The following WWOX variants were observed in gnomAD, a reference collection of about 807,000 sequenced individuals.
WWOX encodes WW domain-containing oxidoreductase.
WWOX carries 69 observed loss-of-function variants against 46.2 expected under a neutral mutation model. The ratio of observed to expected loss-of-function variants is 1.49; its 90% confidence interval spans 1.23 to 1.82. WWOX has a LOEUF of 1.82. WWOX is among the 40% of genes most tolerant of loss of function. WWOX has a pLI of 0.00. For missense variants in WWOX, 919 were observed against 542.6 expected (o/e 1.69, Z -6.89); for synonymous variants, 359 against 202.6 (o/e 1.77, Z -6.56).
At chr16:78,134,556 A>G (rs2033723251) in intron 4 of WWOX, among the ~76,000 whole-genome samples, 1 of 152,018 alleles carries the variant, frequency 6.6e-6, no homozygotes, top group Non-Finnish European at 1.5e-5. Context: ...TTAGTTTCAT[A>G]TTTTACTTTA....
intron 5 of WWOX, among the ~76,000 whole-genome samples, chr16:78,188,626 A>G (rs896248280): frequency 1.2e-4 from 19 of 152,138 alleles, no homozygotes; most frequent in Non-Finnish European, 1.9e-4. Context: ...TTTCGAGACG[A>G]TAATATTAGG....
intron 8 of WWOX, among the ~76,000 whole-genome samples, chr16:79,022,820 G>A (rs2047561308): frequency 6.6e-6 from 1 of 152,204 alleles, no homozygotes; most frequent in Non-Finnish European, 1.5e-5. Context: ...AAAGGCAACC[G>A]AAAGGGCTCA....
chr16:79,175,952 C>G lies in WWOX; in HGVS notation c.1057-35656C>G, dbSNP rs138459735. Among the ~76,000 whole-genome samples the G allele has an allele frequency of 3.0e-4, 46 of 152,308 alleles. No homozygotes were observed. In the East Asian group the frequency reaches 6.6e-3, roughly 22 times the overall value. On this transcript the variant is annotated intron_variant, in intron 8 of 8. Transcript: ENST00000566780. Reference sequence around the variant, plus strand: ...CCTGAGTTCCATTCCTGCCTCCACCCTTGCCTGTCAAATTCCTTAGCTTCA... The same window carrying G: ...CCTGAGTTCCATTCCTGCCTCCACCGTTGCCTGTCAAATTCCTTAGCTTCA...
chr16:78,767,278 C>G (rs898644759), intron 8 of WWOX, among the ~76,000 whole-genome samples: 2 of 151,900 alleles, frequency 1.3e-5, no homozygotes, highest in East Asian at 1.9e-4. Context: ...CCATGCCTGG[C>G]TTTTTAAATT....
intron 5 of WWOX, among the ~76,000 whole-genome samples, chr16:78,374,129 G>C (rs751468008): frequency 2.0e-5 from 3 of 152,174 alleles, no homozygotes; most frequent in Non-Finnish European, 4.4e-5. Flanking sequence ...TTTTATCTGA[G>C]TTACTCCATA....
chr16:78,343,520 C>G lies in WWOX; in HGVS notation c.517-43340C>G, dbSNP rs1206315979. 5.0e-5 allele frequency among the ~76,000 whole-genome samples: 6 copies of G among 121,082 alleles called. 2 individuals carry two copies. In the South Asian group the frequency reaches 1.5e-3, roughly 30 times the overall value. The allele number at this position is 121,082 out of a possible 152,430, so 79.4% of individuals were successfully genotyped here. Reference sequence around the variant, plus strand: ...TGTAAGGTGATGCTCTGAGCTGGGTCTTAAAGCTTCTGGGCACAGCCCCCC... The same window carrying G: ...TGTAAGGTGATGCTCTGAGCTGGGTGTTAAAGCTTCTGGGCACAGCCCCCC... On this transcript the variant is annotated intron_variant, in intron 5 of 8. Transcript: ENST00000566780.
At chr16:78,851,614 C>G (rs545281992) in intron 8 of WWOX, among the ~76,000 whole-genome samples, 1 of 152,304 alleles carries the variant, frequency 6.6e-6, no homozygotes, top group South Asian at 2.1e-4. Context: ...ACCACTTTGT[C>G]CAACCTAGGA....
chr16:78,557,320 C>A (rs761598292), intron 8 of WWOX, among the ~76,000 whole-genome samples: 1 of 152,122 alleles, frequency 6.6e-6, no homozygotes, highest in African/African-American at 2.4e-5. Context: ...TGGGAAAAAC[C>A]AATACCAACT....
At chr16:78,968,102 AGCGCGTGGTCCGCGTG>A (rs1256116055) in intron 8 of WWOX, among the ~76,000 whole-genome samples, 63 of 131,424 alleles carry the variant, frequency 4.8e-4, no homozygotes, top group African/African-American at 1.8e-3. Flanking sequence ...CGCATGGCAC[AGCGCGTGGTCCGCGTG>A]GCACAGCGCG....
At chr16:79,022,614 G>C (rs2047556631) in intron 8 of WWOX, among the ~76,000 whole-genome samples, 2 of 152,300 alleles carry the variant, frequency 1.3e-5, no homozygotes, top group South Asian at 4.1e-4. Flanking sequence ...GTCAGTCCCA[G>C]TTTTAATTAC....
At chr16:79,180,365 C>G (rs1376908247) in intron 8 of WWOX, among the ~76,000 whole-genome samples, 1 of 152,198 alleles carries the variant, frequency 6.6e-6, no homozygotes, top group East Asian at 1.9e-4. Flanking sequence ...GATTTGAATA[C>G]TATAAATCTA....
chr16:78,477,936 G>A (rs995546256), intron 8 of WWOX, among the ~76,000 whole-genome samples: 3 of 152,162 alleles, frequency 2.0e-5, no homozygotes, highest in African/African-American at 4.8e-5. Flanking sequence ...GTGCTAAAAT[G>A]TGTGTATTAG....
chr16:78,924,831 A>T (rs983951910), intron 8 of WWOX, among the ~76,000 whole-genome samples: 1 of 152,176 alleles, frequency 6.6e-6, no homozygotes, highest in Non-Finnish European at 1.5e-5. Context: ...GTGTCAACAT[A>T]TGTGTGAAAA....
At chr16:79,178,121 G>C (rs1353480318) in intron 8 of WWOX, among the ~76,000 whole-genome samples, 2 of 152,112 alleles carry the variant, frequency 1.3e-5, no homozygotes, top group Non-Finnish European at 2.9e-5. Context: ...TATCACATTG[G>C]AGATTCCTTT....
At chr16:78,625,364 A>T (rs1467803647) in intron 8 of WWOX, among the ~76,000 whole-genome samples, 1 of 152,138 alleles carries the variant, frequency 6.6e-6, no homozygotes, top group Non-Finnish European at 1.5e-5. Context: ...GGGTAACTGG[A>T]TCCCTGAAAT....
chr16:78,888,472 C>G (rs2044515751), intron 8 of WWOX, among the ~76,000 whole-genome samples: 2 of 152,188 alleles, frequency 1.3e-5, no homozygotes, highest in Admixed American at 1.3e-4. Flanking sequence ...CCACTAGGTG[C>G]TATTAGCTGG....
intron 8 of WWOX, among the ~76,000 whole-genome samples, chr16:78,816,660 A>C (rs2051338762): frequency 6.6e-6 from 1 of 151,912 alleles, no homozygotes; most frequent in African/African-American, 2.4e-5. Context: ...AGCACAACCA[A>C]ATTGTAGTAC....
At chr16:78,355,777 G>A in intron 5 of WWOX, 2 of 707,010 alleles carry the variant, frequency 2.8e-6, no homozygotes, top group South Asian at 1.3e-5. Flanking sequence ...ATATTCCAGT[G>A]TTCTTTCTCC....
chr16:78,781,745 A>T (rs1348038911), intron 8 of WWOX, among the ~76,000 whole-genome samples: 1 of 152,168 alleles, frequency 6.6e-6, no homozygotes, highest in Non-Finnish European at 1.5e-5. Context: ...CCTGCACTCC[A>T]GTCTGGGCAA....
Sources: gnomAD v4.1 joint callset for allele counts (sites outside exome capture counted in the v4.1 genomes callset) on GRCh38, gnomAD v4.1.1 for gene constraint, MANE v1.5 for transcripts, NCBI Gene and HGNC (gene_info 2026-07-23, HGNC 2026-07-21) for gene names.